Variants in NR3C1 observed in about 807,000 individuals in gnomAD.
NR3C1 encodes the protein nuclear receptor subfamily 3 group C member 1, also known as glucocorticoid receptor.
A neutral mutation model predicts 74.0 loss-of-function variants in NR3C1; 14 were observed. That is an observed-to-expected ratio of 0.19 (90% CI 0.12 to 0.30). The LOEUF is 0.30. NR3C1 is among the 10% of genes least tolerant of loss of function. The probability of loss-of-function intolerance (pLI) is 1.00; values close to 1 mark genes in which losing one functional copy is unlikely to be tolerated. For missense variants in NR3C1, 695 were observed against 909.8 expected, an observed-to-expected ratio of 0.76 and a Z score of 3.04; for synonymous variants, 308 against 332.5, an observed-to-expected ratio of 0.93 and a Z score of 0.80.
At chr5:143,302,345 TA>T (rs1818673541) in intron 4 of NR3C1, among the ~76,000 whole-genome samples, 1 of 152,054 alleles carries the variant, frequency 6.6e-6, no homozygotes, top group African/African-American at 2.4e-5. Context: ...AGAGGAGTGA[TA>T]AAATTTTAAA....
At position 143,281,573 on chromosome 5, in the gene NR3C1, C is replaced by T. The variant is rs1298079840; in HGVS notation, c.*316G>A. On this transcript the variant is annotated 3_prime_UTR_variant, in exon 9 of 9. Transcript: ENST00000394464. ...GAAAGTTCATCACACAGACTTTGGG[C>T]ACTGGTGGTTTAGGTGCCATCCTTC... is the stretch of plus-strand genomic sequence containing the variant. The T allele has an allele frequency of 3.0e-5, 9 of 298,872 alleles. No homozygotes were observed. Among genetic ancestry groups the T allele is most frequent in the Admixed American group, 4.9e-5 (1 of 20,438 alleles). 18.5% of individuals were successfully genotyped at this position (298,872 alleles called of 1,614,324 possible).
intron 1 of NR3C1, among the ~76,000 whole-genome samples, chr5:143,428,539 T>C (rs1332465342): frequency 2.0e-5 from 3 of 152,332 alleles, no homozygotes; most frequent in African/African-American, 7.2e-5. Context: ...CTTACCATGC[T>C]CTAGTTCAGG....
At chr5:143,382,010 G>C (rs1836345476) in intron 2 of NR3C1, among the ~76,000 whole-genome samples, 1 of 152,110 alleles carries the variant, frequency 6.6e-6, no homozygotes, top group Admixed American at 6.6e-5. Context: ...ATATTTGCAA[G>C]CTACCCATCT....
chr5:143,358,030 G>T (rs1173354407), intron 2 of NR3C1, among the ~76,000 whole-genome samples: 1 of 152,194 alleles, frequency 6.6e-6, no homozygotes, highest in East Asian at 1.9e-4. Flanking sequence ...TCTTTCATCT[G>T]AAAACAGAAA....
intron 2 of NR3C1, among the ~76,000 whole-genome samples, chr5:143,335,359 A>C (rs1021829221): frequency 6.6e-6 from 1 of 152,272 alleles, no homozygotes; most frequent in Admixed American, 6.5e-5. Flanking sequence ...TTATTGTTGT[A>C]AATTCATCTG....
intron 6 of NR3C1, 94 bp from the exon 7 acceptor site, chr5:143,295,684 A>T (rs917870875): frequency 4.1e-6 from 4 of 981,636 alleles, no homozygotes; most frequent in Non-Finnish European, 6.5e-6. Flanking sequence ...CTATGAACTC[A>T]TAAAGAAAAA....
intron 7 of NR3C1, among the ~76,000 whole-genome samples, chr5:143,289,028 T>C (rs1006852468): frequency 1.5e-4 from 21 of 141,006 alleles, no homozygotes; most frequent in African/African-American, 5.7e-4. Flanking sequence ...GCCAAGATCA[T>C]GCCACTGCAC....
intron 7 of NR3C1, 62 bp from the exon 8 acceptor site, chr5:143,282,787 T>A: frequency 1.3e-6 from 2 of 1,559,170 alleles, no homozygotes; most frequent in Non-Finnish European, 1.7e-6. Context: ...CTTTTTTTTT[T>A]TTTTTTGAGA....
chr5:143,336,657 T>C (rs1827175720), intron 2 of NR3C1, among the ~76,000 whole-genome samples: 1 of 152,096 alleles, frequency 6.6e-6, no homozygotes, highest in African/African-American at 2.4e-5. Flanking sequence ...AAAACCAAAG[T>C]GCTAGATAAA....
intron 2 of NR3C1, among the ~76,000 whole-genome samples, chr5:143,362,482 TC>T (rs1363815644): frequency 6.6e-6 from 1 of 151,536 alleles, no homozygotes; most frequent in Non-Finnish European, 1.5e-5. Context: ...TGCCTCAGCC[TC>T]CCGAGTAGCT....
Position 143,279,706 on chromosome 5 carries a change from AG to A in NR3C1, c.*2182del. ...AATAAACTCTTGTTGTAGGATAGAA[AG>A]GAATTAGTGTATTATTGGCAACCTA... On this transcript the variant is annotated 3_prime_UTR_variant, in exon 9 of 9. Coordinates refer to ENST00000394464, the MANE Select transcript of NR3C1 (RefSeq NM_000176.3). 3.4e-6 allele frequency: 1 copy of A among 293,342 alleles called. No individual in the cohort carries two copies. The highest frequency in any genetic ancestry group is 6.1e-5 in the South Asian group (1 of 16,312). 18.2% of individuals were successfully genotyped at this position (293,342 alleles called of 1,614,324 possible).
chr5:143,397,130 G>A (rs1169903453), intron 2 of NR3C1, among the ~76,000 whole-genome samples: 1 of 151,684 alleles, frequency 6.6e-6, no homozygotes, highest in Non-Finnish European at 1.5e-5. Context: ...GTGGTGGAAG[G>A]AAGGAATTGC....
chr5:143,402,795 T>C (rs1223410403), intron 1 of NR3C1: 25 of 985,114 alleles, frequency 2.5e-5, no homozygotes, highest in Non-Finnish European at 3.0e-5. Context: ...GGCGTGCAAA[T>C]ATTCGGGCGA....
upstream of NR3C1, chr5:143,404,658 G>T: frequency 3.0e-6 from 1 of 337,032 alleles, no homozygotes; most frequent in Non-Finnish European, 4.2e-6. Flanking sequence ...AACCTCCAGC[G>T]AGCTGGATTT....
chr5:143,311,023 G>C (rs1403375081), intron 3 of NR3C1, among the ~76,000 whole-genome samples: 4 of 152,188 alleles, frequency 2.6e-5, no homozygotes, highest in Non-Finnish European at 5.9e-5. Flanking sequence ...TCAATTCTTT[G>C]TAAAGAATAG....
At chr5:143,293,867 T>C (rs1816511785) in intron 7 of NR3C1, 1 of 928,756 alleles carries the variant, frequency 1.1e-6, no homozygotes, top group Non-Finnish European at 1.3e-6. Flanking sequence ...AACCATTCTT[T>C]TTTTTTTTTT....
chr5:143,404,612 T>C (rs72557312), upstream of NR3C1: 1,058 of 686,566 alleles, frequency 1.5e-3, 7 homozygotes, highest in East Asian at 0.025. Flanking sequence ...CCGCCCAATG[T>C]GCTCACACTC....
At chr5:143,298,278 C>T (rs1006941600) in intron 6 of NR3C1, among the ~76,000 whole-genome samples, 3 of 152,192 alleles carry the variant, frequency 2.0e-5, no homozygotes, top group South Asian at 2.1e-4. Context: ...ATATGTCCCA[C>T]CCCATCAGCC....
At chr5:143,372,069 C>T (rs1253094168) in intron 2 of NR3C1, among the ~76,000 whole-genome samples, 1 of 152,212 alleles carries the variant, frequency 6.6e-6, no homozygotes, top group African/African-American at 2.4e-5. Flanking sequence ...TTATCATACA[C>T]ATTGGCTGCA....
Sources: gnomAD v4.1 joint callset for allele counts (sites outside exome capture counted in the v4.1 genomes callset) on GRCh38, gnomAD v4.1.1 for gene constraint, MANE v1.5 for transcripts, NCBI Gene and HGNC (gene_info 2026-07-23, HGNC 2026-07-21) for gene names.